Variants in ABHD6 observed in about 807,000 individuals in gnomAD.
The protein encoded by ABHD6 is abhydrolase domain containing 6, acylglycerol lipase.
Under a neutral mutation model 38.8 loss-of-function variants are expected in ABHD6, and 33 were observed. The observed-to-expected ratio is 0.85, with a 90% CI of 0.64 to 1.14. The LOEUF is 1.14. Among genes scored for constraint, ABHD6 ranks in the 50% most tolerant of loss-of-function variants. The pLI, the probability that ABHD6 is intolerant of heterozygous loss-of-function variation, is 0.00. For missense variants in ABHD6, 380 were observed against 422.6 expected (o/e 0.90, Z 0.88); for synonymous variants, 147 against 161.6 (o/e 0.91, Z 0.69).
At chr3:58,240,310 C>G (rs2097421923) in intron 1 of ABHD6, among the ~76,000 whole-genome samples, 1 of 151,868 alleles carries the variant, frequency 6.6e-6, no homozygotes, top group South Asian at 2.1e-4. Context: ...AACTCTTGGG[C>G]TCAAGTGATT....
chr3:58,253,913 C>A (rs1467647511), intron 2 of ABHD6, among the ~76,000 whole-genome samples: 1 of 152,156 alleles, frequency 6.6e-6, no homozygotes, highest in Non-Finnish European at 1.5e-5. Context: ...ATGAAAAGAA[C>A]CATCTAACCC....
chr3:58,240,372 C>G (rs1320737799), intron 1 of ABHD6, among the ~76,000 whole-genome samples: 1 of 151,936 alleles, frequency 6.6e-6, no homozygotes, highest in Non-Finnish European at 1.5e-5. Context: ...CACCACCACA[C>G]CTGGCATGCT....
In ABHD6 at chr3:58,293,824, C is replaced by T. The variant is rs574754877; in HGVS notation, c.*59C>T. 1.4e-4 allele frequency: 212 copies of T among 1,567,832 alleles called. No homozygotes were observed. The highest frequency in any genetic ancestry group is 2.1e-4 in the Admixed American group (12 of 57,286). ...ATCTGCTCCCATCCCCCAAGTCTGA[C>T]GCAGCCACCACTCTCAGGGATCCTG... On this transcript the variant is annotated 3_prime_UTR_variant, in exon 10 of 10. Transcript: ENST00000478253. The surrounding 1 kb of genome is among the most constrained non-coding windows in gnomAD (Gnocchi z 4.4).
At chr3:58,292,709 G>T (rs528782998) in intron 9 of ABHD6, among the ~76,000 whole-genome samples, 1 of 151,972 alleles carries the variant, frequency 6.6e-6, no homozygotes. Context: ...CTGAGGTCAG[G>T]AGTTCGAGAC....
At chr3:58,290,149 C>T (rs1192736462) in intron 9 of ABHD6, among the ~76,000 whole-genome samples, 1 of 111,584 alleles carries the variant, frequency 9.0e-6, no homozygotes, top group African/African-American at 4.0e-5. Context: ...CCGGACGGGG[C>T]GGCTGGCCGG....
At chr3:58,290,660 G>C (rs1027082308) in intron 9 of ABHD6, among the ~76,000 whole-genome samples, 1 of 148,830 alleles carries the variant, frequency 6.7e-6, no homozygotes, top group Non-Finnish European at 1.5e-5. Flanking sequence ...TCCCTTCTCA[G>C]ATGGGGCGGC....
intron 2 of ABHD6, among the ~76,000 whole-genome samples, chr3:58,252,995 G>A (rs2097431026): frequency 6.6e-6 from 1 of 152,192 alleles, no homozygotes; most frequent in Admixed American, 6.5e-5. Context: ...GACCTTGTCA[G>A]GGAGAGTGTG....
At position 58,274,737 on chromosome 3, in the gene ABHD6, C is replaced by T. The variant is rs758578033; in HGVS notation, c.603C>T (p.Pro201=). The change falls in exon 7 of 10, where the codon CCC becomes CCT. Residue 201 remains proline, a synonymous_variant. Transcript: ENST00000478253. ...GCTCTGCCGCCGTGGAGAAGATTCC[C>T]TTGATCCCGTCTACCCCAGAAGAGA... The part of the protein sequence containing the change: ...LQGSAAVEKI[P]LIPSTPEEMS... 8 of 1,614,230 alleles carry T rather than the reference C, an allele frequency of 5.0e-6. No individual in the cohort carries two copies. The East Asian group carries it at 6.7e-5, about 13-fold the overall frequency.
At chr3:58,272,582 A>T (rs1222491578) in intron 6 of ABHD6, among the ~76,000 whole-genome samples, 1 of 152,188 alleles carries the variant, frequency 6.6e-6, no homozygotes, top group Admixed American at 6.5e-5. Context: ...GCATATCTGA[A>T]ATAATTTGAT....
intron 9 of ABHD6, among the ~76,000 whole-genome samples, chr3:58,292,372 G>A (rs2097463865): frequency 6.6e-6 from 1 of 152,180 alleles, no homozygotes. Flanking sequence ...TGTCTAGGAT[G>A]AATTGAAGGT....
chr3:58,242,494 T>C (rs1003699982), intron 1 of ABHD6, among the ~76,000 whole-genome samples: 1 of 152,230 alleles, frequency 6.6e-6, no homozygotes, highest in Non-Finnish European at 1.5e-5. Context: ...CCCTGTTGAT[T>C]CATGACTTCT....
chr3:58,254,765 T>A (rs761664832), intron 2 of ABHD6, among the ~76,000 whole-genome samples: 2 of 151,284 alleles, frequency 1.3e-5, no homozygotes, highest in Non-Finnish European at 2.9e-5. Context: ...TTGGAGAGAA[T>A]GACTGGACTT....
At chr3:58,260,790 G>C (rs1326085453) in intron 3 of ABHD6, among the ~76,000 whole-genome samples, 2 of 152,194 alleles carry the variant, frequency 1.3e-5, no homozygotes, top group African/African-American at 4.8e-5. Context: ...TGCCATATGA[G>C]CATAAGGGTT....
chr3:58,290,971 T>C (rs948691416), intron 9 of ABHD6, among the ~76,000 whole-genome samples: 2 of 151,530 alleles, frequency 1.3e-5, no homozygotes, highest in African/African-American at 4.8e-5. Context: ...GCTTCCTAGA[T>C]GGGGTGGCGG....
chr3:58,274,583 A>G, intron 6 of ABHD6, 75 bp from the exon 7 acceptor site: 1 of 1,484,058 alleles, frequency 6.7e-7, no homozygotes, highest in Non-Finnish European at 9.1e-7. Context: ...GGCTGCTGTC[A>G]GAAGTTCCCT....
At chr3:58,278,392 G>A (rs556254945) in intron 7 of ABHD6, among the ~76,000 whole-genome samples, 1 of 152,302 alleles carries the variant, frequency 6.6e-6, no homozygotes, top group Non-Finnish European at 1.5e-5. Flanking sequence ...TTGCGTAGAG[G>A]TGTTTATAGT....
intron 2 of ABHD6, among the ~76,000 whole-genome samples, chr3:58,253,376 A>G (rs893824159): frequency 1.1e-4 from 16 of 152,164 alleles, no homozygotes; most frequent in African/African-American, 3.9e-4. Context: ...GACAGTTCCC[A>G]TCTGTGTCAA....
rs929041401 is a variant in ABHD6, at chr3:58,259,272, G to A, written c.119+2567G>A. The stretch of plus-strand genomic sequence containing the variant: ...CGAGGAGAAGGCTTTCAGAGTAAGG[G>A]TGTTAGGGTAATTTTGATGTTTCAT... On this transcript the variant is annotated intron_variant, in intron 3 of 9. Transcript: ENST00000478253. This position sits in a 1 kb window ranked among gnomAD's most constrained non-coding sequence, Gnocchi z 4.7. Among the ~76,000 whole-genome samples the A allele has an allele frequency of 4.6e-5, 7 of 152,170 alleles. No homozygotes were observed. The highest frequency in any genetic ancestry group is 7.2e-5 in the African/African-American group (3 of 41,438).
rs2097442308 is a variant in ABHD6, at chr3:58,267,998, G to T, written c.276+653G>T. On this transcript the variant is annotated intron_variant, in intron 4 of 9. Transcript: ENST00000478253. This position sits in a 1 kb window ranked among gnomAD's most constrained non-coding sequence, Gnocchi z 4.3. ...TGAGATGGGAGAATCACCTGAGCCT[G>T]GGAAGTCAAGGCTGCAGTGAACCAA... Among the ~76,000 whole-genome samples the T allele has an allele frequency of 6.6e-6, 1 of 152,188 alleles. No individual in the cohort carries two copies. The highest frequency in any genetic ancestry group is 2.4e-5 in the African/African-American group (1 of 41,444).
Sources: allele counts gnomAD v4.1 joint callset (sites outside exome capture counted in the v4.1 genomes callset), GRCh38; gene constraint gnomAD v4.1.1; non-coding constraint Gnocchi (gnomAD v3.1); transcripts MANE v1.5; gene names NCBI Gene and HGNC (gene_info 2026-07-23, HGNC 2026-07-21).